JAK1: variants seen among roughly 807,000 people sequenced by gnomAD.
JAK1 encodes the protein Janus kinase 1, also known as tyrosine-protein kinase JAK1.
Under a neutral mutation model 136.6 loss-of-function variants are expected in JAK1, and 16 were observed. The ratio of observed to expected loss-of-function variants is 0.12; its 90% CI spans 0.08 to 0.18. The LOEUF (loss-of-function observed/expected upper bound fraction) is 0.18, where lower values mean the gene tolerates loss of function less well. Ranked by LOEUF, JAK1 falls within the 10% of genes least tolerant of loss-of-function variation. JAK1 has a pLI of 1.00. For synonymous variants in JAK1, 492 were observed against 519.5 expected, an observed-to-expected ratio of 0.95 and a Z score of 0.72; for missense variants, 859 against 1,450.1, an observed-to-expected ratio of 0.59 and a Z score of 6.62.
intron 1 of JAK1, among the ~76,000 whole-genome samples, chr1:64,913,699 G>GGAAA (rs1178560054): frequency 3.2e-5 from 1 of 31,204 alleles, no homozygotes; most frequent in African/African-American, 9.3e-5. Flanking sequence ...AAGGAAGGAA[G>GGAAA]GAAAGAAGGG....
chr1:64,950,693 T>C (rs1646070212), intron 1 of JAK1, among the ~76,000 whole-genome samples: 1 of 152,176 alleles, frequency 6.6e-6, no homozygotes, highest in Non-Finnish European at 1.5e-5. Context: ...TAGACAATCC[T>C]AATTTCTCTT....
At chr1:64,979,038 T>C (rs1413589907) in intron 2 of JAK1, among the ~76,000 whole-genome samples, 1 of 152,114 alleles carries the variant, frequency 6.6e-6, no homozygotes, top group Non-Finnish European at 1.5e-5. Flanking sequence ...ATTTGACAAG[T>C]GGGATAACTG....
intron 2 of JAK1, among the ~76,000 whole-genome samples, chr1:65,013,382 C>G (rs1215220954): frequency 6.8e-6 from 1 of 146,662 alleles, no homozygotes; most frequent in Non-Finnish European, 1.5e-5. Context: ...GGCAACAGAG[C>G]AAGACTCTGT....
chr1:65,049,963 G>T lies in JAK1; in HGVS notation c.-180-5381C>A, dbSNP rs187187941. Among the ~76,000 whole-genome samples the T allele has an allele frequency of 1.1e-3, 164 of 152,278 alleles. 1 individual carries two copies. Among genetic ancestry groups the T allele is most frequent in the Admixed American group, 4.1e-3 (62 of 15,294 alleles). On this transcript the variant is annotated intron_variant, in intron 1 of 25. Transcript: ENST00000671954. ...CCCTCCTCCAGTCATCTTTTTATGG[G>T]GGTGAAGGGTGGGGGCAATGTGAGA...
intron 2 of JAK1, among the ~76,000 whole-genome samples, chr1:64,883,885 A>C (rs754950839): frequency 1.1e-4 from 16 of 152,182 alleles, no homozygotes; most frequent in Non-Finnish European, 1.9e-4. Flanking sequence ...TTTCTACTGG[A>C]ATCACATAAG....
At chr1:65,031,671 TAA>T (rs1283425307) in intron 2 of JAK1, among the ~76,000 whole-genome samples, 1 of 152,210 alleles carries the variant, frequency 6.6e-6, no homozygotes, top group Non-Finnish European at 1.5e-5. Context: ...TATGGTTATA[TAA>T]GAGAATGTCC....
chr1:64,985,580 A>T, intron 2 of JAK1: 2 of 1,070,894 alleles, frequency 1.9e-6, no homozygotes, highest in Non-Finnish European at 2.8e-6. Context: ...ATTCCAGATC[A>T]AAGATCTGGG....
intron 2 of JAK1, among the ~76,000 whole-genome samples, chr1:65,015,952 T>TGGA (rs774145689): frequency 1.2e-4 from 18 of 152,320 alleles, no homozygotes; most frequent in South Asian, 4.1e-4. Flanking sequence ...ACAACCCATG[T>TGGA]ACCAACCAGA....
intron 2 of JAK1, among the ~76,000 whole-genome samples, chr1:64,989,002 G>GTATATATATATATATATATATATATA (rs57569640): frequency 7.7e-6 from 1 of 129,238 alleles, no homozygotes; most frequent in Non-Finnish European, 1.6e-5. Flanking sequence ...GTGTGTGTGT[G>GTATATATATATATATATATATATATA]TATATATATA....
At chr1:64,841,019 G>C (rs1205772160) in intron 19 of JAK1, among the ~76,000 whole-genome samples, 1 of 152,196 alleles carries the variant, frequency 6.6e-6, no homozygotes, top group Non-Finnish European at 1.5e-5. Flanking sequence ...TGCATACACA[G>C]TCGTGCATGC....
chr1:65,039,857 TG>T (rs1177889356), intron 2 of JAK1, among the ~76,000 whole-genome samples: 5 of 152,270 alleles, frequency 3.3e-5, no homozygotes, highest in South Asian at 4.1e-4. Context: ...TTCCAATAGC[TG>T]CTGTAAGAAA....
intron 1 of JAK1, among the ~76,000 whole-genome samples, chr1:64,903,457 G>A (rs1220051316): frequency 1.3e-5 from 2 of 152,214 alleles, no homozygotes; most frequent in African/African-American, 4.8e-5. Context: ...CTGGAAATGT[G>A]TAATTCTCTG....
chr1:65,045,280 T>G (rs1020108274), intron 1 of JAK1, among the ~76,000 whole-genome samples: 41 of 152,144 alleles, frequency 2.7e-4, no homozygotes, highest in African/African-American at 2.4e-4. Context: ...ATAGCAAGTC[T>G]AATGAATGAA....
chr1:64,961,522 G>T (rs1031739643), intron 1 of JAK1, among the ~76,000 whole-genome samples: 31 of 152,110 alleles, frequency 2.0e-4, no homozygotes, highest in African/African-American at 7.0e-4. Context: ...CAAATTTGTG[G>T]AAAGAGCTAC....
intron 2 of JAK1, among the ~76,000 whole-genome samples, chr1:65,017,500 G>T (rs1646900685): frequency 6.6e-6 from 1 of 151,884 alleles, no homozygotes; most frequent in African/African-American, 2.4e-5. Flanking sequence ...ATCATTAGAG[G>T]ATTCAAACAA....
intron 10 of JAK1, among the ~76,000 whole-genome samples, chr1:64,856,416 A>C (rs1390914044): frequency 6.6e-6 from 1 of 152,214 alleles, no homozygotes; most frequent in Admixed American, 6.5e-5. Flanking sequence ...TATGGCTATT[A>C]CAAGGCTTAA....
At chr1:64,877,323 GGT>G (rs1487469087) in intron 4 of JAK1, among the ~76,000 whole-genome samples, 1 of 152,094 alleles carries the variant, frequency 6.6e-6, no homozygotes, top group African/African-American at 2.4e-5. Context: ...TTTAGCTTAG[GGT>G]GGTATTTTTT....
intron 1 of JAK1, among the ~76,000 whole-genome samples, chr1:65,065,301 C>T (rs1647990490): frequency 1.3e-5 from 2 of 152,148 alleles, no homozygotes; most frequent in African/African-American, 4.8e-5. Flanking sequence ...CCCCCTCCTT[C>T]CCTTTATAGA....
intron 12 of JAK1, among the ~76,000 whole-genome samples, chr1:64,848,782 A>G (rs1655403543): frequency 6.6e-6 from 1 of 152,208 alleles, no homozygotes; most frequent in South Asian, 2.1e-4. Context: ...AAATGCAGAA[A>G]AGGGACTGTC....
Sources: allele counts gnomAD v4.1 joint callset (sites outside exome capture counted in the v4.1 genomes callset), GRCh38; gene constraint gnomAD v4.1.1; transcripts MANE v1.5; gene names NCBI Gene and HGNC (gene_info 2026-07-23, HGNC 2026-07-21).